Variants in CCDC178 observed in about 807,000 individuals in gnomAD.
CCDC178 encodes coiled-coil domain-containing protein 178.
In CCDC178, 126 loss-of-function variants were observed where a neutral mutation model predicts 117.4. The ratio of observed to expected loss-of-function variants is 1.07; its 90% CI spans 0.93 to 1.24. The LOEUF (loss-of-function observed/expected upper bound fraction) is 1.24, where lower values mean the gene tolerates loss of function less well. Among genes scored for constraint, CCDC178 ranks in the 50% most tolerant of loss-of-function variants. The pLI, the probability that CCDC178 is intolerant of heterozygous loss-of-function variation, is 0.00. For synonymous variants in CCDC178, 283 were observed against 313.4 expected (o/e 0.90, Z 1.02); for missense variants, 1,030 against 986.9 (o/e 1.04, Z -0.59).
rs139101029 is a variant in CCDC178, at chr18:33,083,694, G to A, written c.2388+9067C>T. ...TTCTACTAGAGAAGTTATCTTTTAAGGGACAGAGAGTAGCACTCCATGTGG... is the reference window on the plus strand; with the variant it reads ...TTCTACTAGAGAAGTTATCTTTTAAAGGACAGAGAGTAGCACTCCATGTGG... On this transcript the variant is annotated intron_variant, in intron 21 of 22. Coordinates refer to ENST00000383096, the MANE Select transcript of CCDC178 (RefSeq NM_001105528.4). 1.7e-3 allele frequency among the ~76,000 whole-genome samples: 259 copies of A among 152,258 alleles called. 2 individuals carry two copies. Among genetic ancestry groups the A allele is most frequent in the African/African-American group, 6.0e-3 (249 of 41,562 alleles).
intron 20 of CCDC178, among the ~76,000 whole-genome samples, chr18:33,127,551 T>A (rs2058022939): frequency 6.6e-6 from 1 of 152,168 alleles, no homozygotes; most frequent in Non-Finnish European, 1.5e-5. Flanking sequence ...TTCTCCTGCC[T>A]CAGCCTCCTG....
intron 21 of CCDC178, among the ~76,000 whole-genome samples, chr18:33,057,952 G>C (rs2056858627): frequency 6.6e-6 from 1 of 152,146 alleles, no homozygotes; most frequent in Non-Finnish European, 1.5e-5. Flanking sequence ...CAGTGGGGTA[G>C]CACTTCTCAC....
At chr18:33,382,802 G>A (rs903204256) in intron 5 of CCDC178, among the ~76,000 whole-genome samples, 28 of 152,184 alleles carry the variant, frequency 1.8e-4, no homozygotes, top group Admixed American at 9.2e-4. Context: ...CCAGCACCTG[G>A]AACTCCAGTG....
intron 11 of CCDC178, among the ~76,000 whole-genome samples, chr18:33,308,171 C>T (rs984781098): frequency 3.3e-5 from 5 of 152,326 alleles, no homozygotes; most frequent in Admixed American, 3.3e-4. Flanking sequence ...TGAAAGCAGG[C>T]TGGATGGAGA....
intron 21 of CCDC178, among the ~76,000 whole-genome samples, chr18:33,055,709 G>A (rs4439827): frequency 0.011 from 1,674 of 152,160 alleles, 33 homozygotes; most frequent in African/African-American, 0.037. Flanking sequence ...AGTTCAATGA[G>A]GAAGTGACAC....
chr18:33,067,321 C>T (rs1453922983), intron 21 of CCDC178, among the ~76,000 whole-genome samples: 1 of 151,954 alleles, frequency 6.6e-6, no homozygotes, highest in Non-Finnish European at 1.5e-5. Context: ...AATTAAAATA[C>T]AACATACAAA....
intron 20 of CCDC178, among the ~76,000 whole-genome samples, chr18:33,095,490 C>T (rs979423238): frequency 6.6e-6 from 1 of 151,900 alleles, no homozygotes; most frequent in Non-Finnish European, 1.5e-5. Context: ...AAGGACTGAA[C>T]AAAATCTAGA....
At chr18:33,322,694 G>GTTTA (rs1163948068) in intron 11 of CCDC178, among the ~76,000 whole-genome samples, 1 of 151,376 alleles carries the variant, frequency 6.6e-6, no homozygotes, top group Non-Finnish European at 1.5e-5. Flanking sequence ...AATCAGATTA[G>GTTTA]TTATAAAAGA....
chr18:33,110,266 C>G (rs1320858216), intron 20 of CCDC178, among the ~76,000 whole-genome samples: 1 of 151,512 alleles, frequency 6.6e-6, no homozygotes, highest in Non-Finnish European at 1.5e-5. Flanking sequence ...TGTTTTGTTA[C>G]AGTTTCTTTA....
chr18:32,974,715 C>T (rs1372889568), intron 21 of CCDC178, 34 bp from the exon 22 acceptor site: 1 of 1,604,854 alleles, frequency 6.2e-7, no homozygotes, highest in Non-Finnish European at 8.5e-7. Flanking sequence ...AAACACAAGT[C>T]AGAGGAGGAG....
intron 15 of CCDC178, among the ~76,000 whole-genome samples, chr18:33,227,586 A>G (rs1356331614): frequency 6.8e-6 from 1 of 148,104 alleles, no homozygotes; most frequent in Non-Finnish European, 1.5e-5. Flanking sequence ...ATATACACAC[A>G]CACACACACA....
chr18:33,081,594 C>T (rs1055158112), intron 21 of CCDC178, among the ~76,000 whole-genome samples: 4 of 152,206 alleles, frequency 2.6e-5, no homozygotes, highest in African/African-American at 9.6e-5. Flanking sequence ...CTATATACAT[C>T]ATGCAGACAG....
intron 20 of CCDC178, among the ~76,000 whole-genome samples, chr18:33,122,620 TAA>T (rs1429966551): frequency 6.6e-6 from 1 of 152,098 alleles, no homozygotes; most frequent in East Asian, 1.9e-4. Flanking sequence ...TCTAAGGAAT[TAA>T]AAACAAACAG....
At chr18:33,171,394 TA>T (rs2058597503) in intron 20 of CCDC178, among the ~76,000 whole-genome samples, 1 of 152,320 alleles carries the variant, frequency 6.6e-6, no homozygotes, top group South Asian at 2.1e-4. Context: ...ACATCCTCTT[TA>T]TAGTGAACAC....
At chr18:33,317,219 G>A (rs1365880461) in intron 11 of CCDC178, among the ~76,000 whole-genome samples, 2 of 152,028 alleles carry the variant, frequency 1.3e-5, no homozygotes, top group African/African-American at 4.8e-5. Flanking sequence ...CCCTGCGAAG[G>A]TCTGCAGCTT....
Position 33,223,274 on chromosome 18 carries a change from T to C in CCDC178, c.1819-55A>G, listed in dbSNP as rs1241611051. ...AGCATTTGCAACCCAGTTATCCTCA[T>C]TTAGGCCAAATCGTACTTAAGTGAC... On this transcript the variant is annotated intron_variant, in intron 17 of 22. Transcript: ENST00000383096. 8.6e-6 allele frequency: 13 copies of C among 1,505,608 alleles called. No individual in the cohort carries two copies. The African/African-American group carries it at 1.3e-4, about 15-fold the overall frequency. The allele number at this position is 1,505,608 out of a possible 1,614,324, so 93.3% of individuals were successfully genotyped here. A position where few individuals can be genotyped will look rare whatever the true frequency, so the allele number is the denominator to read the frequency against.
chr18:33,195,396 A>C (rs1428324307), intron 20 of CCDC178, among the ~76,000 whole-genome samples: 1 of 152,092 alleles, frequency 6.6e-6, no homozygotes, highest in Non-Finnish European at 1.5e-5. Flanking sequence ...TAGTGATACA[A>C]AAGTTACCCT....
intron 2 of CCDC178, among the ~76,000 whole-genome samples, chr18:33,426,200 C>A (rs1052695318): frequency 6.6e-6 from 1 of 152,216 alleles, no homozygotes; most frequent in African/African-American, 2.4e-5. Flanking sequence ...TGAGCCACTG[C>A]GCCTGGCCTA....
chr18:33,423,510 C>T (rs965106222), intron 2 of CCDC178, among the ~76,000 whole-genome samples: 1 of 152,068 alleles, frequency 6.6e-6, no homozygotes, highest in African/African-American at 2.4e-5. Flanking sequence ...ATAAACACTT[C>T]CATTGTTTTT....
Sources: allele counts gnomAD v4.1 joint callset (sites outside exome capture counted in the v4.1 genomes callset), GRCh38; gene constraint gnomAD v4.1.1; transcripts MANE v1.5; gene names NCBI Gene and HGNC (gene_info 2026-07-23, HGNC 2026-07-21).